ITSN1: variants seen among roughly 807,000 people sequenced by gnomAD.
The protein encoded by ITSN1 is intersectin-1.
Under a neutral mutation model 239.8 loss-of-function variants are expected in ITSN1, and 58 were observed. That is an observed-to-expected ratio of 0.24 (90% CI 0.20 to 0.30). The LOEUF (loss-of-function observed/expected upper bound fraction) is 0.30. Ranked by LOEUF, ITSN1 falls within the 10% of genes least tolerant of loss-of-function variation. ITSN1 has a pLI of 1.00. For synonymous variants in ITSN1, 780 were observed against 770.8 expected (o/e 1.01, Z -0.20); for missense variants, 1,558 against 2,103.3 (o/e 0.74, Z 5.07).
Position 33,811,181 on chromosome 21 carries a change from G to C in ITSN1, c.2526G>C (p.Glu842Asp). The C allele has an allele frequency of 1.2e-6, 2 of 1,610,382 alleles. No individual in the cohort carries two copies. Among genetic ancestry groups the C allele is most frequent in the Non-Finnish European group, 1.7e-6 (2 of 1,179,166 alleles). The change falls in exon 21 of 40, where the codon GAG becomes GAC. Residue 842 changes from glutamate (E) to aspartate (D), a missense_variant. Transcript: ENST00000381318. ...CCCCTTTGGCAGTAACCTCTTCAGA[G>C]CCCTCCACGACCCCTAATAACTGGG... ...TPAPLAVTSS[E>D]PSTTPNNWAD...
chr21:33,793,231 G>A (rs2071284480), intron 16 of ITSN1, among the ~76,000 whole-genome samples: 1 of 152,128 alleles, frequency 6.6e-6, no homozygotes, highest in South Asian at 2.1e-4. Context: ...TCTAAAGGTA[G>A]GAATTTTAGG....
chr21:33,725,128 T>G (rs1424925536), intron 4 of ITSN1, among the ~76,000 whole-genome samples: 80 of 125,560 alleles, frequency 6.4e-4, no homozygotes, highest in Non-Finnish European at 9.5e-4. Context: ...AAATTTTTTT[T>G]TTTTGTTTTT....
At chr21:33,706,762 A>T (rs1056776575) in intron 1 of ITSN1, among the ~76,000 whole-genome samples, 60 of 151,522 alleles carry the variant, frequency 4.0e-4, no homozygotes, top group Admixed American at 8.6e-4. Flanking sequence ...TTATTTATTT[A>T]TTTTTTTTGG....
chr21:33,752,343 G>T (rs1176771671), intron 7 of ITSN1, among the ~76,000 whole-genome samples: 1 of 146,792 alleles, frequency 6.8e-6, no homozygotes, highest in East Asian at 2.0e-4. Flanking sequence ...TAATCTTGTG[G>T]AGTTTATATG....
chr21:33,719,724 T>G (rs2065373656), intron 2 of ITSN1, among the ~76,000 whole-genome samples: 1 of 152,176 alleles, frequency 6.6e-6, no homozygotes. Flanking sequence ...AGCCTGGATT[T>G]GAAGCATGAC....
chr21:33,721,475 A>G (rs564833005), intron 3 of ITSN1, among the ~76,000 whole-genome samples: 1 of 152,276 alleles, frequency 6.6e-6, no homozygotes, highest in Admixed American at 6.5e-5. Context: ...ATGTCAAACC[A>G]CTTGTTTTGT....
intron 1 of ITSN1, among the ~76,000 whole-genome samples, chr21:33,650,007 C>T (rs368700163): frequency 1.4e-5 from 2 of 144,682 alleles, no homozygotes; most frequent in East Asian, 2.0e-4. Context: ...CCAGCCTTGG[C>T]GACAGAGCGA....
At position 33,657,755 on chromosome 21, in the gene ITSN1, G is replaced by A. The variant is rs189385970; in HGVS notation, c.-33+15042G>A. Among the ~76,000 whole-genome samples the A allele has an allele frequency of 4.1e-3, 620 of 152,298 alleles. 4 individuals are homozygous for A. Among genetic ancestry groups the A allele is most frequent in the African/African-American group, 0.014 (595 of 41,546 alleles). Reference sequence around the variant, plus strand: ...AATCCCAGCACTTTGGGAGGCCAAAGTGAGAAGGTTGCTCGAGACCAGGAG... The same window carrying A: ...AATCCCAGCACTTTGGGAGGCCAAAATGAGAAGGTTGCTCGAGACCAGGAG... On this transcript the variant is annotated intron_variant, in intron 1 of 39. Coordinates refer to ENST00000381318, the MANE Select transcript of ITSN1 (RefSeq NM_003024.3).
intron 5 of ITSN1, among the ~76,000 whole-genome samples, chr21:33,739,347 A>C (rs894655848): frequency 6.6e-6 from 1 of 152,026 alleles, no homozygotes; most frequent in African/African-American, 2.4e-5. Flanking sequence ...ATACAGGAGG[A>C]GTCTGTTTTT....
At chr21:33,775,711 A>G (rs2069547959) in intron 14 of ITSN1, among the ~76,000 whole-genome samples, 1 of 151,892 alleles carries the variant, frequency 6.6e-6, no homozygotes, top group Non-Finnish European at 1.5e-5. Flanking sequence ...GAGCTGGATC[A>G]CACAGAACCT....
At chr21:33,655,713 G>A (rs1018157778) in intron 1 of ITSN1, among the ~76,000 whole-genome samples, 6 of 151,898 alleles carry the variant, frequency 4.0e-5, no homozygotes, top group Admixed American at 2.6e-4. Flanking sequence ...AATTACAGGC[G>A]TGAGCCACTG....
intron 29 of ITSN1, among the ~76,000 whole-genome samples, chr21:33,844,326 A>T (rs969354528): frequency 2.0e-5 from 3 of 152,182 alleles, no homozygotes; most frequent in Non-Finnish European, 4.4e-5. Context: ...CACCAGGGAA[A>T]ATGGAATGTG....
intron 25 of ITSN1, among the ~76,000 whole-genome samples, chr21:33,826,464 T>C (rs188532213): frequency 1.3e-5 from 2 of 152,318 alleles, no homozygotes; most frequent in Admixed American, 1.3e-4. Flanking sequence ...CATGTGAAAA[T>C]AAGTCCGAGC....
chr21:33,788,787 T>C (rs2070871392), intron 16 of ITSN1, among the ~76,000 whole-genome samples: 2 of 152,116 alleles, frequency 1.3e-5, no homozygotes. Context: ...TATAGTCCTC[T>C]CAGTTTTAAT....
At chr21:33,679,386 T>C (rs1478317766) in intron 1 of ITSN1, among the ~76,000 whole-genome samples, 1 of 152,236 alleles carries the variant, frequency 6.6e-6, no homozygotes, top group Non-Finnish European at 1.5e-5. Flanking sequence ...TTCGTTGACT[T>C]TGTGACATCT....
At chr21:33,846,209 G>C (rs957701369) in intron 29 of ITSN1, among the ~76,000 whole-genome samples, 2 of 152,090 alleles carry the variant, frequency 1.3e-5, no homozygotes, top group African/African-American at 4.8e-5. Context: ...TTAAGCCACT[G>C]GTAGGCCCCA....
chr21:33,843,177 G>A (rs1037683341), intron 29 of ITSN1, among the ~76,000 whole-genome samples: 5 of 152,178 alleles, frequency 3.3e-5, no homozygotes, highest in African/African-American at 4.8e-5. Flanking sequence ...TTCAAATTCC[G>A]ACAAGTCCTC....
chr21:33,656,370 G>A (rs1410947275), intron 1 of ITSN1, among the ~76,000 whole-genome samples: 1 of 152,038 alleles, frequency 6.6e-6, no homozygotes, highest in African/African-American at 2.4e-5. Context: ...AATAATTGAA[G>A]TTACTTTTAA....
At chr21:33,767,988 G>A (rs1167466127) in intron 11 of ITSN1, among the ~76,000 whole-genome samples, 160 bp downstream of exon 11, 1 of 152,192 alleles carries the variant, frequency 6.6e-6, no homozygotes, top group Non-Finnish European at 1.5e-5. Flanking sequence ...AATTAAGCTT[G>A]TGGATTTGGG....
Sources: gnomAD v4.1 joint callset for allele counts (sites outside exome capture counted in the v4.1 genomes callset) on GRCh38, gnomAD v4.1.1 for gene constraint, MANE v1.5 for transcripts, NCBI Gene and HGNC (gene_info 2026-07-23, HGNC 2026-07-21) for gene names.